The following IRAK3 variants were observed in gnomAD, a reference collection of about 807,000 sequenced individuals.
IRAK3 encodes interleukin 1 receptor associated kinase 3, also known as interleukin-1 receptor-associated kinase 3.
IRAK3 carries 57 observed loss-of-function variants against 56.6 expected under a neutral mutation model. The observed-to-expected ratio is 1.01, with a 90% confidence interval of 0.81 to 1.26. The LOEUF (loss-of-function observed/expected upper bound fraction) is 1.26, where lower values mean the gene tolerates loss of function less well. Ranked by LOEUF, IRAK3 falls within the 50% of genes most tolerant of loss-of-function variation. The pLI is 0.00. For synonymous variants in IRAK3, 258 were observed against 255.7 expected, an observed-to-expected ratio of 1.01 and a Z score of -0.09; for missense variants, 703 against 719.0, an observed-to-expected ratio of 0.98 and a Z score of 0.25.
intron 1 of IRAK3, chr12:66,197,432 T>A: frequency 1.0e-6 from 1 of 985,258 alleles, no homozygotes; most frequent in Non-Finnish European, 1.2e-6. Flanking sequence ...GGAGCTATTT[T>A]ATAGAATTGG....
At chr12:66,217,051 G>T (rs1383985245) in intron 5 of IRAK3, 120 bp from the exon 6 acceptor site, 1 of 749,812 alleles carries the variant, frequency 1.3e-6, no homozygotes, top group African/African-American at 1.7e-5. Context: ...CCCCAGAAAA[G>T]TGTTCATATG....
At chr12:66,245,626 A>G (rs1271785681) in intron 11 of IRAK3, among the ~76,000 whole-genome samples, 1 of 115,278 alleles carries the variant, frequency 8.7e-6, no homozygotes, top group African/African-American at 3.4e-5. Flanking sequence ...CCACCTCCCC[A>G]GTTCAAGTGA....
chr12:66,250,204 ATTT>A lies in IRAK3; in HGVS notation c.*2035_*2037del, dbSNP rs2136957566. 6.6e-6 allele frequency: 1 copy of A among 152,340 alleles called. No homozygotes were observed. Among genetic ancestry groups the A allele is most frequent in the East Asian group, 1.9e-4 (1 of 5,186 alleles). 9.4% of individuals were successfully genotyped at this position (152,340 alleles called of 1,614,324 possible). A position where few individuals can be genotyped will look rare whatever the true frequency, so the allele number is the denominator to read the frequency against. ...AAACCATTTTCAGAGGATTTACTGA[ATTT>A]TCCTCTCCAAGGAGCTTGTAATAGA... is the stretch of plus-strand genomic sequence containing the variant. On this transcript the variant is annotated 3_prime_UTR_variant, in exon 12 of 12. Coordinates refer to ENST00000261233, the MANE Select transcript of IRAK3 (RefSeq NM_007199.3).
At position 66,226,795 on chromosome 12, in the gene IRAK3, A is replaced by G. The variant is rs146615564; in HGVS notation, c.726A>G (p.Pro242=). Residue 242 remains proline, a synonymous_variant, in exon 7 of 12, where the codon CCA becomes CCG. Coordinates refer to ENST00000261233, the MANE Select transcript of IRAK3 (RefSeq NM_007199.3). The part of the protein sequence containing the change: ...TETEKFCLIY[P]YMRNGTLFDR... ...CTGAGAAGTTCTGTCTGATTTATCC[A>G]TACATGAGAAATGGAACACTTTTTG... The G allele has an allele frequency of 1.2e-6, 2 of 1,608,272 alleles. No individual in the cohort carries two copies. The highest frequency in any genetic ancestry group is 1.7e-6 in the Non-Finnish European group (2 of 1,174,720).
At chr12:66,201,689 G>A (rs767173211) in intron 1 of IRAK3, among the ~76,000 whole-genome samples, 1 of 152,140 alleles carries the variant, frequency 6.6e-6, no homozygotes, top group Non-Finnish European at 1.5e-5. Flanking sequence ...TATACTTTCT[G>A]TACAGTTTTA....
At chr12:66,228,179 T>C in intron 7 of IRAK3, 73 bp from the exon 8 acceptor site, 1 of 1,039,618 alleles carries the variant, frequency 9.6e-7, no homozygotes, top group African/African-American at 1.6e-5. Flanking sequence ...TTCTGGTGTA[T>C]GTCTGCATAA....
chr12:66,212,026 G>T (rs145636899), intron 5 of IRAK3, among the ~76,000 whole-genome samples: 3 of 151,188 alleles, frequency 2.0e-5, no homozygotes, highest in African/African-American at 7.3e-5. Flanking sequence ...CAGGAGAATC[G>T]CTTGAGCACA....
chr12:66,196,880 T>G lies in IRAK3; in HGVS notation c.134-6831T>G, dbSNP rs142201371. On this transcript the variant is annotated intron_variant, in intron 1 of 11. Coordinates refer to ENST00000261233, the MANE Select transcript of IRAK3 (RefSeq NM_007199.3). ...GACATCTTTCCTTTTTCCCTTACAG[T>G]GTCTAAAAACAAGCTTTGTGAGAAT... 3.4e-5 allele frequency: 52 copies of G among 1,512,298 alleles called. No homozygotes were observed. The East Asian group carries it at 1.3e-3, about 37-fold the overall frequency. The allele number at this position is 1,512,298 out of a possible 1,614,324, so 93.7% of individuals were successfully genotyped here. A position where few individuals can be genotyped will look rare whatever the true frequency, so the allele number is the denominator to read the frequency against.
intron 8 of IRAK3, chr12:66,233,980 A>G: frequency 1.4e-6 from 2 of 1,409,680 alleles, no homozygotes; most frequent in Non-Finnish European, 1.9e-6. Context: ...AATTGTCAAT[A>G]ATTTCCTAAA....
chr12:66,248,325 CT>C lies in IRAK3; in HGVS notation c.*160del, dbSNP rs1055697068. The C allele has an allele frequency of 1.6e-6, 1 of 606,192 alleles. No individual in the cohort carries two copies. The highest frequency in any genetic ancestry group is 1.8e-5 in the African/African-American group (1 of 54,140). 37.6% of individuals were successfully genotyped at this position (606,192 alleles called of 1,614,324 possible). On this transcript the variant is annotated 3_prime_UTR_variant, in exon 12 of 12. Transcript: ENST00000261233. ...ATAAACAATCTGGATAATTCCATTT[CT>C]TTTTTCCCAAACCCTCAAACAGAGT... is the stretch of plus-strand genomic sequence containing the variant.
intron 1 of IRAK3, among the ~76,000 whole-genome samples, chr12:66,200,290 T>TTA (rs1421650272): frequency 1.3e-5 from 2 of 152,196 alleles, no homozygotes; most frequent in African/African-American, 4.8e-5. Flanking sequence ...TAGCAGAGGC[T>TTA]TACTTTTTGC....
chr12:66,231,107 G>A (rs1023263655), intron 8 of IRAK3, among the ~76,000 whole-genome samples: 15 of 152,190 alleles, frequency 9.9e-5, no homozygotes, highest in African/African-American at 3.4e-4. Flanking sequence ...AAGTAGTGTG[G>A]TGGCCAATCA....
Position 66,228,062 on chromosome 12 carries a change from A to G in IRAK3, c.769-190A>G, listed in dbSNP as rs114927479. On this transcript the variant is annotated intron_variant, in intron 7 of 11. Coordinates refer to ENST00000261233, the MANE Select transcript of IRAK3 (RefSeq NM_007199.3). The stretch of plus-strand genomic sequence containing the variant: ...TTTTCGTTGTCTATAAAAGAGGCCT[A>G]GAACTGTCATCAGTAGCAGAAGGAA... Among the ~76,000 whole-genome samples the G allele has an allele frequency of 2.2e-3, 328 of 152,352 alleles. 2 individuals carry two copies. The highest frequency in any genetic ancestry group is 7.7e-3 in the African/African-American group (319 of 41,574).
At chr12:66,222,340 C>G (rs2052742501) in intron 6 of IRAK3, among the ~76,000 whole-genome samples, 2 of 152,022 alleles carry the variant, frequency 1.3e-5, no homozygotes, top group South Asian at 4.2e-4. Flanking sequence ...ATTATTTAAT[C>G]AATCTCCTTG....
At chr12:66,242,625 A>G (rs1442495201) in intron 8 of IRAK3, among the ~76,000 whole-genome samples, 1 of 152,214 alleles carries the variant, frequency 6.6e-6, no homozygotes, top group Admixed American at 6.5e-5. Flanking sequence ...CTTGGGAACC[A>G]GGCCTCTCTG....
intron 1 of IRAK3, chr12:66,197,190 TTAAC>T (rs1249968118): frequency 1.6e-6 from 2 of 1,268,460 alleles, no homozygotes; most frequent in African/African-American, 3.1e-5. Flanking sequence ...TAAACAATGC[TTAAC>T]TAACAGCATG....
rs1565809136 is a variant in IRAK3 at position 66,233,017 on chromosome 12, T to TTATTA, written c.887+4648_887+4649insATTAT. On this transcript the variant is annotated intron_variant, in intron 8 of 11. Transcript: ENST00000261233. ...TATTATTATTATTATTATTATTATT[T>TTATTA]TTAAAAAGCCAAAATTTCAGCAACT... Among the ~76,000 whole-genome samples, 60 of 144,464 alleles carry TTATTA rather than the reference T, an allele frequency of 4.2e-4. No individual in the cohort carries two copies. The East Asian group carries it at 7.2e-3, about 17-fold the overall frequency. 94.8% of individuals were successfully genotyped at this position (144,464 alleles called of 152,430 possible). A position where few individuals can be genotyped will look rare whatever the true frequency, so the allele number is the denominator to read the frequency against.
chr12:66,235,474 T>C (rs1158923596), intron 8 of IRAK3, among the ~76,000 whole-genome samples: 1 of 151,272 alleles, frequency 6.6e-6, no homozygotes, highest in Non-Finnish European at 1.5e-5. Context: ...CCCTCCGCAC[T>C]CGTCTAAAAG....
chr12:66,222,811 C>G (rs1249865919), intron 6 of IRAK3, among the ~76,000 whole-genome samples: 2 of 152,016 alleles, frequency 1.3e-5, no homozygotes, highest in African/African-American at 4.8e-5. Flanking sequence ...ATAGTTTTGA[C>G]ATGTAGAAAT....
Sources: gnomAD v4.1 joint callset for allele counts (sites outside exome capture counted in the v4.1 genomes callset) on GRCh38, gnomAD v4.1.1 for gene constraint, MANE v1.5 for transcripts, NCBI Gene and HGNC (gene_info 2026-07-23, HGNC 2026-07-21) for gene names.